Variants in NPIPB2 observed in about 807,000 individuals in gnomAD.
The protein encoded by NPIPB2 is nuclear pore complex-interacting protein family member B2.
In NPIPB2, 27 loss-of-function variants were observed where a neutral mutation model predicts 30.8. That is an observed-to-expected ratio of 0.88 (90% CI 0.65 to 1.21). The LOEUF is 1.21. Ranked by LOEUF, NPIPB2 falls within the 50% of genes most tolerant of loss-of-function variation. NPIPB2 has a pLI of 0.00. For synonymous variants in NPIPB2, 147 were observed against 162.0 expected, an observed-to-expected ratio of 0.91 and a Z score of 0.70; for missense variants, 440 against 446.2, an observed-to-expected ratio of 0.99 and a Z score of 0.13.
chr16:11,964,149 G>A (rs1249852773), intron 1 of NPIPB2: 1 of 152,132 alleles, frequency 6.6e-6, no homozygotes, highest in African/African-American at 2.4e-5. Flanking sequence ...CGCATCGGCA[G>A]GTCTGTTTGC....
intron 1 of NPIPB2, among the ~76,000 whole-genome samples, chr16:11,975,019 G>A (rs925946349): frequency 1.3e-5 from 2 of 151,466 alleles, no homozygotes; most frequent in African/African-American, 4.8e-5. Flanking sequence ...AGGTTGCAGT[G>A]AGCCAAGATC....
At chr16:11,934,730 A>G (rs2054842034) in intron 2 of NPIPB2, among the ~76,000 whole-genome samples, 1 of 148,502 alleles carries the variant, frequency 6.7e-6, no homozygotes, top group Non-Finnish European at 1.5e-5. Flanking sequence ...ATGGTGATGC[A>G]CGCCTGTAGC....
intron 1 of NPIPB2, among the ~76,000 whole-genome samples, chr16:11,955,175 G>A (rs772864091): frequency 3.3e-5 from 5 of 151,916 alleles, no homozygotes; most frequent in Admixed American, 6.6e-5. Flanking sequence ...CCAACGTGGT[G>A]AAACCCCATC....
upstream of NPIPB2, among the ~76,000 whole-genome samples, chr16:11,945,047 C>T (rs1311877423): frequency 3.3e-5 from 5 of 151,534 alleles, no homozygotes; most frequent in African/African-American, 1.2e-4. Flanking sequence ...ATTAGCCAGG[C>T]ATGGTGGAGC....
At chr16:11,940,799 T>C (rs2054928615) in intron 1 of NPIPB2, among the ~76,000 whole-genome samples, 1 of 136,288 alleles carries the variant, frequency 7.3e-6, no homozygotes, top group African/African-American at 2.7e-5. Context: ...TCAAACCAGA[T>C]GACACAAATC....
At chr16:11,965,162 C>T (rs773622516) in intron 1 of NPIPB2, 34 of 810,192 alleles carry the variant, frequency 4.2e-5, no homozygotes, top group Middle Eastern at 3.2e-4. Context: ...TTAGCTGCCG[C>T]GAAGACACAG....
intron 1 of NPIPB2, among the ~76,000 whole-genome samples, chr16:11,950,764 A>G (rs2055054374): frequency 6.6e-6 from 1 of 152,092 alleles, no homozygotes; most frequent in Non-Finnish European, 1.5e-5. Flanking sequence ...CCAAGTAGAT[A>G]TCATGTGTCA....
intron 1 of NPIPB2, among the ~76,000 whole-genome samples, chr16:11,952,904 C>A (rs1327025465): frequency 6.6e-6 from 1 of 152,044 alleles, no homozygotes; most frequent in Non-Finnish European, 1.5e-5. Flanking sequence ...TAAAAATCTA[C>A]TTCAATGTTT....
intron 1 of NPIPB2, chr16:11,968,038 G>T (rs1237408087): frequency 1.1e-5 from 7 of 611,390 alleles, no homozygotes; most frequent in South Asian, 7.8e-5. Context: ...AAACTTCCTT[G>T]GTTTCATGAT....
chr16:11,948,318 T>C (rs919712933), intron 1 of NPIPB2, among the ~76,000 whole-genome samples: 48 of 152,162 alleles, frequency 3.2e-4, no homozygotes, highest in African/African-American at 1.1e-3. Flanking sequence ...TGGCTGCCGA[T>C]ACCACAAAGA....
In NPIPB2 at chr16:11,966,154, T is replaced by C. The variant is rs2055191744; in HGVS notation, c.-584+10414A>G. 8 of 1,542,206 alleles carry C rather than the reference T, an allele frequency of 5.2e-6. No individual in the cohort carries two copies. In the East Asian group the frequency reaches 1.8e-4, roughly 35 times the overall value. Reference sequence around the variant, plus strand: ...ATAACAATAAAGTATGTGAATATTATGTTATCAGCTCATTATCTGTCTGAT... The same window carrying C: ...ATAACAATAAAGTATGTGAATATTACGTTATCAGCTCATTATCTGTCTGAT... On this transcript the variant is annotated intron_variant, in intron 1 of 5. Coordinates refer to the NPIPB2 transcript ENST00000538896.
In NPIPB2 at chr16:11,953,303, G is replaced by A. The variant is rs565779173; in HGVS notation, c.-583-11189C>T. 1.4e-3 allele frequency among the ~76,000 whole-genome samples: 207 copies of A among 152,000 alleles called. 2 individuals carry two copies. The highest frequency in any genetic ancestry group is 4.8e-3 in the African/African-American group (198 of 41,460). On this transcript the variant is annotated intron_variant, in intron 1 of 5. Transcript: ENST00000538896. ...TGGGATTACAGGCACCTGCCACCAC[G>A]CCCGGCTAATTTTTGGGTTTTTTGT...
chr16:11,941,090 G>A (rs1357937828), intron 1 of NPIPB2: 2 of 1,366,958 alleles, frequency 1.5e-6, no homozygotes, highest in East Asian at 3.6e-5. Flanking sequence ...GGGATTACAG[G>A]CCTGAGCTGT....
chr16:11,966,323 G>A, intron 1 of NPIPB2: 1 of 1,612,540 alleles, frequency 6.2e-7, no homozygotes, highest in Non-Finnish European at 8.5e-7. Flanking sequence ...ACCATTAAAG[G>A]ACGAGTTTAA....
rs376573585 is a variant in NPIPB2, at chr16:11,967,564, A to C, written c.-584+9004T>G. ...TGGGTTAATGTTTCCGTTTCTACAT[A>C]ATTAGGATCAGGTCTCCTGGGCATG... On this transcript the variant is annotated intron_variant, in intron 1 of 5. Transcript: ENST00000538896. 70 of 1,607,448 alleles carry C rather than the reference A, an allele frequency of 4.4e-5. 2 individuals carry two copies. In the South Asian group the frequency reaches 7.3e-4, roughly 17 times the overall value.
intron 1 of NPIPB2, among the ~76,000 whole-genome samples, chr16:11,971,729 A>G (rs377070003): frequency 6.6e-6 from 1 of 152,084 alleles, no homozygotes; most frequent in African/African-American, 2.4e-5. Flanking sequence ...TCCTCACCTC[A>G]AGTGATCTGC....
chr16:11,933,951 G>A (rs759105951), intron 2 of NPIPB2, 27 bp from the exon 3 acceptor site: 47 of 1,501,858 alleles, frequency 3.1e-5, no homozygotes, highest in Non-Finnish European at 3.9e-5. Flanking sequence ...TAAGAATGAC[G>A]GCTGGGCACG....
At chr16:11,946,765 C>T (rs1281507072), upstream of NPIPB2, among the ~76,000 whole-genome samples, 1 of 152,032 alleles carries the variant, frequency 6.6e-6, no homozygotes, top group Non-Finnish European at 1.5e-5. Flanking sequence ...TAAATTGATC[C>T]AGCAATCTTA....
intron 1 of NPIPB2, among the ~76,000 whole-genome samples, chr16:11,973,390 T>G (rs923795975): frequency 6.6e-6 from 1 of 152,088 alleles, no homozygotes; most frequent in Non-Finnish European, 1.5e-5. Flanking sequence ...ATTTGGTTCT[T>G]TCCACTGTGG....
Sources: allele counts gnomAD v4.1 joint callset (sites outside exome capture counted in the v4.1 genomes callset), GRCh38; gene constraint gnomAD v4.1.1; transcripts MANE v1.5; gene names NCBI Gene and HGNC (gene_info 2026-07-23, HGNC 2026-07-21).